Variants in TMEM123 observed in about 807,000 individuals in gnomAD.
TMEM123 encodes the protein transmembrane protein 123.
A neutral mutation model predicts 19.7 loss-of-function variants in TMEM123; 16 were observed. That is an observed-to-expected ratio of 0.81 (90% CI 0.55 to 1.23). The LOEUF (loss-of-function observed/expected upper bound fraction) is 1.23. TMEM123 is among the 50% of genes most tolerant of loss of function. The pLI is 0.00. For missense variants in TMEM123, 313 were observed against 257.8 expected, an observed-to-expected ratio of 1.21 and a Z score of -1.47; for synonymous variants, 118 against 99.4, an observed-to-expected ratio of 1.19 and a Z score of -1.12.
At chr11:102,438,459 T>C (rs531690512) in intron 2 of TMEM123, among the ~76,000 whole-genome samples, 1 of 152,222 alleles carries the variant, frequency 6.6e-6, no homozygotes, top group Non-Finnish European at 1.5e-5. Context: ...AACTTATTCA[T>C]CTTATTTACC....
chr11:102,443,948 CTCA>C (rs1468416544), intron 2 of TMEM123, among the ~76,000 whole-genome samples: 1 of 152,190 alleles, frequency 6.6e-6, no homozygotes, highest in Non-Finnish European at 1.5e-5. Flanking sequence ...TGAAAAAATG[CTCA>C]TCATCACTGG....
chr11:102,401,164 C>T (rs1202411410), intron 4 of TMEM123, among the ~76,000 whole-genome samples: 1 of 151,808 alleles, frequency 6.6e-6, no homozygotes, highest in South Asian at 2.1e-4. Context: ...ATGGTTTTAC[C>T]AAGGATGCTA....
At chr11:102,405,108 G>C (rs1426648398) in intron 2 of TMEM123, among the ~76,000 whole-genome samples, 1 of 151,012 alleles carries the variant, frequency 6.6e-6, no homozygotes, top group Admixed American at 6.6e-5. Flanking sequence ...GAGTGCAGTG[G>C]CGTGATCTCA....
Position 102,398,675 on chromosome 11 carries a change from A to ATGTT in TMEM123, c.*188_*191dup, listed in dbSNP as rs1951882139. ...GTATGAACGGTCTATAAGGATCCAG[A>ATGTT]TGTTTATTTCAAAACCCAAACCCTT... On this transcript the variant is annotated 3_prime_UTR_variant, in exon 5 of 5. Coordinates refer to ENST00000398136, the MANE Select transcript of TMEM123 (RefSeq NM_052932.3). The ATGTT allele has an allele frequency of 2.9e-5, 17 of 592,454 alleles. No individual in the cohort carries two copies. Among genetic ancestry groups the ATGTT allele is most frequent in the Middle Eastern group, 4.2e-4 (1 of 2,388 alleles). 36.7% of individuals were successfully genotyped at this position (592,454 alleles called of 1,614,324 possible). A position where few individuals can be genotyped will look rare whatever the true frequency, so the allele number is the denominator to read the frequency against.
intron 2 of TMEM123, among the ~76,000 whole-genome samples, chr11:102,428,997 G>C (rs1440495563): frequency 1.3e-5 from 2 of 152,164 alleles, no homozygotes; most frequent in African/African-American, 2.4e-5. Context: ...CCTGGGGTCT[G>C]GAGGGACTAC....
chr11:102,403,979 C>T (rs1951933278), intron 2 of TMEM123, among the ~76,000 whole-genome samples: 1 of 152,202 alleles, frequency 6.6e-6, no homozygotes. Context: ...TCCCAGCCTG[C>T]AGAACCTTGA....
chr11:102,438,565 T>C (rs1231223967), intron 2 of TMEM123, among the ~76,000 whole-genome samples: 2 of 152,242 alleles, frequency 1.3e-5, no homozygotes, highest in Non-Finnish European at 2.9e-5. Context: ...TGCATTATTT[T>C]CCTACATTTC....
chr11:102,414,931 C>T (rs183080240), intron 2 of TMEM123, among the ~76,000 whole-genome samples: 5 of 152,294 alleles, frequency 3.3e-5, no homozygotes, highest in Non-Finnish European at 4.4e-5. Context: ...AAAACCTAAT[C>T]GTAAGCTAGC....
chr11:102,421,571 TGAC>T (rs1346562015), intron 2 of TMEM123, among the ~76,000 whole-genome samples: 3 of 152,052 alleles, frequency 2.0e-5, no homozygotes, highest in Non-Finnish European at 2.9e-5. Context: ...TCCCTAGAGA[TGAC>T]AACTGTACAG....
At chr11:102,452,394 T>A in intron 1 of TMEM123, 130 bp downstream of exon 1, 1 of 790,756 alleles carries the variant, frequency 1.3e-6, no homozygotes, top group Non-Finnish European at 1.8e-6. Context: ...CCCGGTCACC[T>A]CTGGGTCCGC....
At chr11:102,418,934 C>G (rs1429069626) in intron 2 of TMEM123, among the ~76,000 whole-genome samples, 1 of 152,108 alleles carries the variant, frequency 6.6e-6, no homozygotes, top group African/African-American at 2.4e-5. Context: ...TGCATGTTCT[C>G]AATTATAAGT....
chr11:102,437,082 TGTTA>T (rs1182969440), intron 2 of TMEM123, among the ~76,000 whole-genome samples: 6 of 152,316 alleles, frequency 3.9e-5, no homozygotes, highest in Admixed American at 1.3e-4. Flanking sequence ...TTTGTTTTCC[TGTTA>T]GTTTTGTTGC....
chr11:102,448,671 G>A lies in TMEM123; in HGVS notation c.157+141C>T, dbSNP rs907451802. On this transcript the variant is annotated intron_variant, in intron 2 of 4. Coordinates refer to ENST00000398136, the MANE Select transcript of TMEM123 (RefSeq NM_052932.3). The stretch of plus-strand genomic sequence containing the variant: ...ACTGATGTCTACTATAGGGCACTAG[G>A]GCAGGTTATTGGGATTCATGGGTGA... 29 of 707,310 alleles carry A rather than the reference G, an allele frequency of 4.1e-5. No individual in the cohort carries two copies. In the Admixed American group the frequency reaches 4.6e-4, roughly 11 times the overall value. 43.8% of individuals were successfully genotyped at this position (707,310 alleles called of 1,614,324 possible).
At chr11:102,439,359 A>G (rs1857799623) in intron 2 of TMEM123, among the ~76,000 whole-genome samples, 1 of 150,866 alleles carries the variant, frequency 6.6e-6, no homozygotes, top group Non-Finnish European at 1.5e-5. Flanking sequence ...CAGAGGAAGG[A>G]TCAGGCAGCA....
chr11:102,418,612 A>C (rs1330628014), intron 2 of TMEM123, among the ~76,000 whole-genome samples: 1 of 152,258 alleles, frequency 6.6e-6, no homozygotes, highest in Non-Finnish European at 1.5e-5. Flanking sequence ...AAGATTTCAC[A>C]AAGAACTTAC....
intron 2 of TMEM123, among the ~76,000 whole-genome samples, chr11:102,432,936 T>G (rs374059845): frequency 5.3e-5 from 8 of 152,210 alleles, no homozygotes; most frequent in East Asian, 3.9e-4. Flanking sequence ...AGCCTGTGGG[T>G]GCACAGAAGT....
chr11:102,417,183 A>G (rs887571370), intron 2 of TMEM123, among the ~76,000 whole-genome samples: 6 of 152,196 alleles, frequency 3.9e-5, no homozygotes, highest in Admixed American at 2.0e-4. Context: ...AGAAAAAGTC[A>G]TAACAGGTAA....
intron 2 of TMEM123, among the ~76,000 whole-genome samples, chr11:102,432,417 A>G (rs1857721406): frequency 6.6e-6 from 1 of 152,224 alleles, no homozygotes; most frequent in Non-Finnish European, 1.5e-5. Context: ...ATGCTTTAGC[A>G]AAGAGATTGG....
At position 102,402,106 on chromosome 11, in the gene TMEM123, G is replaced by A. The variant is rs1207085508; in HGVS notation, c.258C>T (p.Val86=). 17 of 1,614,044 alleles carry A rather than the reference G, an allele frequency of 1.1e-5. No homozygotes were observed. The highest frequency in any genetic ancestry group is 1.4e-5 in the Non-Finnish European group (16 of 1,180,032). Residue 86 remains valine (V), a synonymous_variant, in exon 3 of 5, where the codon GTC becomes GTT. Coordinates refer to ENST00000398136, the MANE Select transcript of TMEM123 (RefSeq NM_052932.3). Reference sequence around the variant, plus strand: ...ATGCCGCTGTAGGTTTCATGGTGGTGACCGTTGTATTACTGGAGTCTGAGG... The same window carrying A: ...ATGCCGCTGTAGGTTTCATGGTGGTAACCGTTGTATTACTGGAGTCTGAGG... The part of the protein sequence containing the change: ...SVASDSSNTT[V]TTMKPTAASN...
Sources: allele counts gnomAD v4.1 joint callset (sites outside exome capture counted in the v4.1 genomes callset), GRCh38; gene constraint gnomAD v4.1.1; transcripts MANE v1.5; gene names NCBI Gene and HGNC (gene_info 2026-07-23, HGNC 2026-07-21).